Variants in DNAH1 observed in about 807,000 individuals in gnomAD.
The protein encoded by DNAH1 is dynein axonemal heavy chain 1, also known as axonemal beta dynein heavy chain 1.
DNAH1 carries 327 observed loss-of-function variants against 484.3 expected under a neutral mutation model. The ratio of observed to expected loss-of-function variants is 0.68; its 90% confidence interval spans 0.62 to 0.74. The LOEUF (loss-of-function observed/expected upper bound fraction) is 0.74, where lower values mean the gene tolerates loss of function less well. DNAH1 is among the 30% of genes least tolerant of loss of function. The pLI is 0.00. For missense variants in DNAH1, 5,052 were observed against 5,546.8 expected, an observed-to-expected ratio of 0.91 and a Z score of 2.83; for synonymous variants, 2,192 against 2,191.9, an observed-to-expected ratio of 1.00 and a Z score of 0.00.
At chr3:52,345,426 T>G in intron 9 of DNAH1, 69 bp from the exon 10 acceptor site, 1 of 1,345,148 alleles carries the variant, frequency 7.4e-7, no homozygotes, top group Non-Finnish European at 1.0e-6. Context: ...AAGCACCCTG[T>G]GGATCTGTCC....
chr3:52,383,536 C>G lies in DNAH1; in HGVS notation c.8092C>G (p.Leu2698Val). 6.2e-7 allele frequency: 1 copy of G among 1,612,632 alleles called. No homozygotes were observed. Residue 2698 changes from leucine (L) to valine (V), a missense_variant, in exon 51 of 78, where the codon CTC becomes GTC. Physicochemically the swap from Leu to Val is conservative, Grantham distance 32. Transcript: ENST00000420323. ...GGGCCTACAGCCCACCAAGGCCAACCTCATGGCTGCTTACACAGGGCGTGT... is the reference window on the plus strand; with the variant it reads ...GGGCCTACAGCCCACCAAGGCCAACGTCATGGCTGCTTACACAGGGCGTGT... Reference protein sequence around the residue: ...EQGLQPTKANLMAAYTGRVRS... With the variant: ...EQGLQPTKANVMAAYTGRVRS...
chr3:52,383,928 A>G lies in DNAH1; in HGVS notation c.8219A>G (p.Asp2740Gly). ...TCCCTGGTCAACTGCTGTACCATCG[A>G]CTGGTTTAACGAGTGGCCGGCAGAA... ...FPSLVNCCTI[D>G]WFNEWPAEAL... The change falls in exon 52 of 78, where the codon GAC becomes GGC. Residue 2740 changes from aspartate to glycine, a missense_variant. Asp to Gly is a moderately conservative substitution (Grantham distance 94, BLOSUM62 -1). This residue lies in a region of DNAH1 where 2,929 missense variants were observed against 3,409.4 expected (regional missense o/e 0.86). Transcript: ENST00000420323. 3 of 1,613,432 alleles carry G rather than the reference A, an allele frequency of 1.9e-6. No individual in the cohort carries two copies. The highest frequency in any genetic ancestry group is 2.5e-6 in the Non-Finnish European group (3 of 1,179,624).
At position 52,345,415 on chromosome 3, in the gene DNAH1, C is replaced by T. The variant is rs2153223733; in HGVS notation, c.1445-80C>T. The stretch of plus-strand genomic sequence containing the variant: ...GAAGGCAGGAGTCATGGCCCTCCTT[C>T]AAGCACCCTGTGGATCTGTCCTGTC... On this transcript the variant is annotated intron_variant, in intron 9 of 77. Coordinates refer to ENST00000420323, the MANE Select transcript of DNAH1 (RefSeq NM_015512.5). The T allele has an allele frequency of 6.4e-6, 8 of 1,246,928 alleles. No homozygotes were observed. In the South Asian group the frequency reaches 1.1e-4, roughly 17 times the overall value. The allele number at this position is 1,246,928 out of a possible 1,614,324, so 77.2% of individuals were successfully genotyped here. A position where few individuals can be genotyped will look rare whatever the true frequency, so the allele number is the denominator to read the frequency against.
Position 52,388,200 on chromosome 3 carries a change from C to T in DNAH1, c.9037C>T (p.Gln3013Ter), listed in dbSNP as rs1200861422. 1 of 1,609,888 alleles carries T rather than the reference C, an allele frequency of 6.2e-7. No homozygotes were observed. Among genetic ancestry groups the T allele is most frequent in the Non-Finnish European group, 8.5e-7 (1 of 1,178,236 alleles). The change falls in exon 57 of 78, where the codon CAG becomes TAG. Residue 3013 changes from glutamine to a stop codon, truncating the protein, a stop_gained. Transcript: ENST00000420323. LOFTEE classifies it high-confidence loss of function. ...TGGGGATGTGGTGATCAAAGCCATCCAGCCGTACATCGATAATGAAGAGTT... is the reference window on the plus strand; with the variant it reads ...TGGGGATGTGGTGATCAAAGCCATCTAGCCGTACATCGATAATGAAGAGTT... ...NIGDVVIKAI[Q>*]PYIDNEEFQP...
At position 52,372,927 on chromosome 3, in the gene DNAH1, C is replaced by G; in HGVS notation, c.6859C>G (p.Arg2287Gly). ...GGGTGTGTTTGGACCACCTCTGGGGCGCAACTTTATCTTCTTCATCGATGA... is the reference window on the plus strand; with the variant it reads ...GGGTGTGTTTGGACCACCTCTGGGGGGCAACTTTATCTTCTTCATCGATGA... ...RKGVFGPPLG[R>G]NFIFFIDDLN... Residue 2287 changes from arginine (R) to glycine (G), a missense_variant, in exon 44 of 78, where the codon CGC becomes GGC. Arg to Gly is a moderately radical substitution (Grantham distance 125). This residue lies in a region of DNAH1 where 2,929 missense variants were observed against 3,409.4 expected (regional missense o/e 0.86). Transcript: ENST00000420323. 1 of 1,613,552 alleles carries G rather than the reference C, an allele frequency of 6.2e-7. No homozygotes were observed. Among genetic ancestry groups the G allele is most frequent in the Non-Finnish European group, 8.5e-7 (1 of 1,179,740 alleles).
Position 52,358,525 on chromosome 3 carries a change from G to A in DNAH1, c.4087-33G>A. The A allele has an allele frequency of 1.3e-6, 2 of 1,571,834 alleles. No individual in the cohort carries two copies. The highest frequency in any genetic ancestry group is 1.7e-6 in the Non-Finnish European group (2 of 1,159,532). ...GGCCAGGGCATCTGGGCACACCAGGGTGACCCCACTCCTGCTCCTCCACTG... is the reference window on the plus strand; with the variant it reads ...GGCCAGGGCATCTGGGCACACCAGGATGACCCCACTCCTGCTCCTCCACTG... On this transcript the variant is annotated intron_variant, in intron 24 of 77. Transcript: ENST00000420323. The surrounding 1 kb of genome is among the most constrained non-coding windows in gnomAD (Gnocchi z 4.2).
chr3:52,383,246 G>T, intron 50 of DNAH1, 140 bp from the exon 51 acceptor site: 1 of 738,906 alleles, frequency 1.4e-6, no homozygotes, highest in Non-Finnish European at 2.3e-6. Context: ...CTGTTATGAG[G>T]TCACTTTTGT....
intron 59 of DNAH1, 63 bp downstream of exon 59, chr3:52,389,000 G>T: frequency 6.6e-7 from 1 of 1,505,794 alleles, no homozygotes. Context: ...CTTCCCCCTT[G>T]AGGCCTCGCC....
At chr3:52,333,149 G>A (rs922175452) in intron 8 of DNAH1, among the ~76,000 whole-genome samples, 1 of 152,304 alleles carries the variant, frequency 6.6e-6, no homozygotes, top group African/African-American at 2.4e-5. Context: ...GCTTCCCAAA[G>A]TGCTGGGATT....
At chr3:52,332,051 T>C in intron 7 of DNAH1, 91 bp from the exon 8 acceptor site, 3 of 1,467,254 alleles carry the variant, frequency 2.0e-6, no homozygotes, top group Non-Finnish European at 2.7e-6. Flanking sequence ...TCAGGGCCAC[T>C]GGGCATCCAC....
In DNAH1 at chr3:52,399,577, A is replaced by G; in HGVS notation, c.12474A>G (p.Gln4158=). 2.5e-6 allele frequency: 4 copies of G among 1,613,268 alleles called. No homozygotes were observed. The highest frequency in any genetic ancestry group is 3.4e-6 in the Non-Finnish European group (4 of 1,179,356). ...VMFEAPSELT[Q]RPQVGCYIHG... is the part of the protein sequence containing the mutation. ...TTGAGGCACCATCAGAGTTAACACA[A>G]AGACCCCAAGTAGGGTGCTATATCC... Residue 4158 remains glutamine (Q), a synonymous_variant, in exon 77 of 78, where the codon CAA becomes CAG. Transcript: ENST00000420323.
At chr3:52,312,715 C>T (rs1444289482), upstream of DNAH1, among the ~76,000 whole-genome samples, 2 of 151,988 alleles carry the variant, frequency 1.3e-5, no homozygotes, top group African/African-American at 2.4e-5. Flanking sequence ...TGCAGTGGTG[C>T]GATCTCGGCT....
chr3:52,348,190 G>A (rs1255843218), intron 12 of DNAH1, among the ~76,000 whole-genome samples: 1 of 152,224 alleles, frequency 6.6e-6, no homozygotes, highest in Admixed American at 6.5e-5. Flanking sequence ...GGGGCTTGGA[G>A]AAGTGTAATA....
intron 8 of DNAH1, among the ~76,000 whole-genome samples, chr3:52,337,387 C>T (rs1006088689): frequency 2.0e-5 from 3 of 152,202 alleles, no homozygotes; most frequent in African/African-American, 7.2e-5. Context: ...AGCAACCTGA[C>T]ATTTTATTAT....
At chr3:52,371,920 C>T (rs373416628) in intron 41 of DNAH1, 26 bp from the exon 42 acceptor site, 29 of 1,610,176 alleles carry the variant, frequency 1.8e-5, no homozygotes, top group Non-Finnish European at 2.4e-5. Context: ...GTTCCAGGCC[C>T]ACTGCTGAGC....
chr3:52,364,601 A>C lies in DNAH1; in HGVS notation c.5245-37A>C. On this transcript the variant is annotated intron_variant, in intron 32 of 77. Transcript: ENST00000420323. The surrounding 1 kb of genome is among the most constrained non-coding windows in gnomAD (Gnocchi z 4.2). ...TTCCAGGCAGAAGCCTTGGAGAGGG[A>C]CAGTGCTCACCCATGCCTCCTTCTG... 3 of 1,610,250 alleles carry C rather than the reference A, an allele frequency of 1.9e-6. No homozygotes were observed. In the African/African-American group the frequency reaches 4.0e-5, roughly 21 times the overall value.
chr3:52,354,240 G>A (rs1702514604), intron 20 of DNAH1, among the ~76,000 whole-genome samples: 1 of 152,218 alleles, frequency 6.6e-6, no homozygotes, highest in African/African-American at 2.4e-5. Flanking sequence ...CAACTGGCCA[G>A]GATGACACAG....
At chr3:52,385,191 C>G (rs1018758752) in intron 53 of DNAH1, 146 bp from the exon 54 acceptor site, 12 of 993,528 alleles carry the variant, frequency 1.2e-5, no homozygotes, top group Middle Eastern at 2.3e-4. Flanking sequence ...GGACTGATGC[C>G]CTTCCTCTGG....
chr3:52,340,083 G>T (rs1367665878), intron 8 of DNAH1, among the ~76,000 whole-genome samples: 10 of 151,988 alleles, frequency 6.6e-5, no homozygotes, highest in Admixed American at 5.2e-4. Context: ...TTTACAGTTA[G>T]GGTTACTTTC....
Sources: allele counts gnomAD v4.1 joint callset (sites outside exome capture counted in the v4.1 genomes callset), GRCh38; gene constraint gnomAD v4.1.1; regional missense constraint gnomAD v4.1.1; non-coding constraint Gnocchi (gnomAD v3.1); transcripts MANE v1.5; gene names NCBI Gene and HGNC (gene_info 2026-07-23, HGNC 2026-07-21).